SLC4A5: variants seen among roughly 807,000 people sequenced by gnomAD.
SLC4A5 encodes the protein electrogenic sodium bicarbonate cotransporter 4.
In SLC4A5, 96 loss-of-function variants were observed where a neutral mutation model predicts 120.4. That is an observed-to-expected ratio of 0.80 (90% CI 0.68 to 0.94). The LOEUF is 0.94. SLC4A5 is among the 40% of genes least tolerant of loss of function. The pLI, the probability that SLC4A5 is intolerant of heterozygous loss-of-function variation, is 0.00. For missense variants in SLC4A5, 1,259 were observed against 1,459.5 expected, an observed-to-expected ratio of 0.86 and a Z score of 2.24; for synonymous variants, 550 against 571.1, an observed-to-expected ratio of 0.96 and a Z score of 0.53.
At chr2:74,273,576 CAT>C (rs1671542162) in intron 8 of SLC4A5, among the ~76,000 whole-genome samples, 2 of 152,204 alleles carry the variant, frequency 1.3e-5, no homozygotes, top group African/African-American at 4.8e-5. Flanking sequence ...AGCATCAAGA[CAT>C]GTTTGTGCTT....
intron 5 of SLC4A5, among the ~76,000 whole-genome samples, chr2:74,321,677 G>A (rs557102998): frequency 6.6e-6 from 1 of 151,700 alleles, no homozygotes; most frequent in South Asian, 2.1e-4. Flanking sequence ...ATGCGCATTG[G>A]GTAGTCATCT....
chr2:74,278,264 G>T (rs1454618676), intron 8 of SLC4A5, among the ~76,000 whole-genome samples: 1 of 152,146 alleles, frequency 6.6e-6, no homozygotes, highest in Non-Finnish European at 1.5e-5. Flanking sequence ...TATCTGGGAA[G>T]AGCTTCCTGA....
At chr2:74,283,787 A>G (rs1447080103) in intron 8 of SLC4A5, among the ~76,000 whole-genome samples, 1 of 152,070 alleles carries the variant, frequency 6.6e-6, no homozygotes, top group Non-Finnish European at 1.5e-5. Context: ...TTTAGATATT[A>G]CAATGGTTTG....
At chr2:74,225,090 G>A (rs1393489150) in intron 27 of SLC4A5, 95 bp from the exon 28 acceptor site, 9 of 1,258,560 alleles carry the variant, frequency 7.2e-6, no homozygotes, top group African/African-American at 4.5e-5. Context: ...TCCCTCAGTC[G>A]GCTGAGTTCA....
chr2:74,263,083 A>G (rs2104041371), intron 10 of SLC4A5, among the ~76,000 whole-genome samples: 1 of 152,320 alleles, frequency 6.6e-6, no homozygotes, highest in South Asian at 2.1e-4. Context: ...TCTGTTGCCC[A>G]GGCTGGAGTG....
intron 27 of SLC4A5, among the ~76,000 whole-genome samples, chr2:74,226,655 CTCCT>C (rs1227182640): frequency 6.6e-6 from 1 of 152,088 alleles, no homozygotes; most frequent in African/African-American, 2.4e-5. Context: ...GGAACTCGGT[CTCCT>C]GGTTGAACTG....
chr2:74,305,009 T>C (rs1665805052), intron 6 of SLC4A5, among the ~76,000 whole-genome samples: 1 of 152,222 alleles, frequency 6.6e-6, no homozygotes. Flanking sequence ...CCTCAGTGGG[T>C]CACAGATGTA....
At chr2:74,254,535 G>C (rs942732486) in intron 14 of SLC4A5, 84 bp downstream of exon 14, 1 of 1,060,332 alleles carries the variant, frequency 9.4e-7, no homozygotes, top group Non-Finnish European at 1.5e-6. Context: ...AAATGTGCTG[G>C]CTGGATAAGT....
intron 16 of SLC4A5, 110 bp from the exon 17 acceptor site, chr2:74,250,627 G>A (rs1165758752): frequency 3.9e-6 from 5 of 1,286,372 alleles, no homozygotes; most frequent in Non-Finnish European, 2.2e-6. Context: ...ACTTGACCAG[G>A]GTGGATGGGG....
chr2:74,249,599 C>T (rs529651663), intron 17 of SLC4A5, among the ~76,000 whole-genome samples: 35 of 152,254 alleles, frequency 2.3e-4, no homozygotes, highest in African/African-American at 7.9e-4. Context: ...AAGGATAATG[C>T]TTAGTTTCCG....
At chr2:74,239,288 G>A (rs1381115637) in intron 21 of SLC4A5, 47 bp downstream of exon 21, 2 of 1,575,974 alleles carry the variant, frequency 1.3e-6, no homozygotes, top group African/African-American at 2.7e-5. Flanking sequence ...GGGGGACTCA[G>A]CAGCTGTCTG....
chr2:74,218,894 ACT>A (rs1260157223), intron 30 of SLC4A5, 102 bp from the exon 31 acceptor site: 1 of 152,396 alleles, frequency 6.6e-6, no homozygotes, highest in African/African-American at 2.4e-5. Flanking sequence ...TTGCTTCTGA[ACT>A]CTCAGCACAT....
intron 1 of SLC4A5, 80 bp from the exon 2 acceptor site, chr2:74,342,614 A>C (rs1673652592): frequency 6.6e-6 from 1 of 152,140 alleles, no homozygotes; most frequent in Admixed American, 6.6e-5. Context: ...CTAAGTCAGG[A>C]TTTCATCACG....
At chr2:74,295,190 T>TA (rs1672291029) in intron 7 of SLC4A5, among the ~76,000 whole-genome samples, 1 of 147,712 alleles carries the variant, frequency 6.8e-6, no homozygotes, top group Non-Finnish European at 1.5e-5. Context: ...AGCAAGGAGA[T>TA]ACGAGGAGAC....
At chr2:74,257,844 A>G (rs1056132182) in intron 12 of SLC4A5, among the ~76,000 whole-genome samples, 8 of 152,148 alleles carry the variant, frequency 5.3e-5, no homozygotes, top group African/African-American at 9.7e-5. Context: ...AAACTGCTGG[A>G]ATTACAGGTG....
chr2:74,223,431 CAGTT>C (rs1418844668), intron 28 of SLC4A5, among the ~76,000 whole-genome samples: 2 of 152,188 alleles, frequency 1.3e-5, no homozygotes, highest in East Asian at 3.8e-4. Flanking sequence ...GGAATGGGCA[CAGTT>C]AGCCTGCTGT....
intron 25 of SLC4A5, among the ~76,000 whole-genome samples, chr2:74,228,767 T>TA (rs911851719): frequency 2.6e-4 from 40 of 151,226 alleles, no homozygotes; most frequent in African/African-American, 9.0e-4. Flanking sequence ...CATCACCAAC[T>TA]AACCACCAAT....
In SLC4A5 at chr2:74,325,931, G is replaced by GAGGAAGGGAGA. The variant is rs1297430243; in HGVS notation, c.-3+2178_-3+2188dup. On this transcript the variant is annotated intron_variant, in intron 5 of 30. Transcript: ENST00000394019. ...AGGAAAGGAAAGGAAAGGAGGGGAGGAGGAAGGGAGAAGGAAGGGAGAAGG... is the reference window on the plus strand; with the variant it reads ...AGGAAAGGAAAGGAAAGGAGGGGAGGAGGAAGGGAGAAGGAAGGGAGAAGGAAGGGAGAAGG... Among the ~76,000 whole-genome samples, 19 of 151,310 alleles carry GAGGAAGGGAGA rather than the reference G, an allele frequency of 1.3e-4. No homozygotes were observed. In the South Asian group the frequency reaches 3.6e-3, roughly 28 times the overall value.
intron 7 of SLC4A5, among the ~76,000 whole-genome samples, chr2:74,292,024 A>G (rs182123076): frequency 6.6e-6 from 1 of 152,092 alleles, no homozygotes; most frequent in African/African-American, 2.4e-5. Flanking sequence ...TCAACTCCAG[A>G]CTCTGCTATT....
Sources: gnomAD v4.1 joint callset for allele counts (sites outside exome capture counted in the v4.1 genomes callset) on GRCh38, gnomAD v4.1.1 for gene constraint, MANE v1.5 for transcripts, NCBI Gene and HGNC (gene_info 2026-07-23, HGNC 2026-07-21) for gene names.